The following GARIN2 variants were observed in gnomAD, a reference collection of about 807,000 sequenced individuals.
The protein encoded by GARIN2 is golgi associated RAB2 interactor family member 2, also known as Golgi-associated RAB2 interactor protein 2.
chr14:67,218,713 C>T, the GARIN2 span, among the ~76,000 whole-genome samples: 1 of 151,886 alleles, frequency 6.6e-6, no homozygotes, highest in Admixed American at 6.6e-5. Context: ...TTCTTTGTGC[C>T]CTAAGCACAG....
chr14:67,217,255 G>A, the GARIN2 span, among the ~76,000 whole-genome samples: 19 of 151,416 alleles, frequency 1.3e-4, no homozygotes, highest in African/African-American at 2.7e-4. Context: ...CATTTGCATC[G>A]AATATCTTGT....
the GARIN2 span, among the ~76,000 whole-genome samples, chr14:67,212,648 TATATATA>T: frequency 6.8e-6 from 1 of 146,270 alleles, no homozygotes; most frequent in Admixed American, 6.9e-5. Flanking sequence ...ATATTACATA[TATATATA>T]ATATATATTT....
the GARIN2 span, among the ~76,000 whole-genome samples, chr14:67,201,206 A>C: frequency 2.0e-5 from 3 of 152,178 alleles, no homozygotes; most frequent in African/African-American, 7.2e-5. Context: ...AGGAGGGAGG[A>C]TTGCTTAAGC....
chr14:67,200,226 C>G, the GARIN2 span: 15 of 1,012,150 alleles, frequency 1.5e-5, no homozygotes, highest in Non-Finnish European at 2.0e-5. Context: ...TGGCCCTCCA[C>G]AACCCACACC....
chr14:67,223,840 A>T, the GARIN2 span: 1 of 985,570 alleles, frequency 1.0e-6, no homozygotes, highest in Non-Finnish European at 1.2e-6. Context: ...CCTTCCATAC[A>T]CTTTTACTCT....
the GARIN2 span, among the ~76,000 whole-genome samples, chr14:67,210,428 A>G: frequency 3.5e-4 from 54 of 152,230 alleles, 1 homozygote; most frequent in East Asian, 0.01. Context: ...TCTATTTAAA[A>G]AAAAGAAGAA....
chr14:67,217,357 C>A, the GARIN2 span, among the ~76,000 whole-genome samples: 1 of 152,006 alleles, frequency 6.6e-6, no homozygotes, highest in Non-Finnish European at 1.5e-5. Context: ...TTAAAAAATC[C>A]ATTCAGCCAG....
the GARIN2 span, chr14:67,223,677 T>G: frequency 1.1e-6 from 1 of 934,326 alleles, no homozygotes; most frequent in East Asian, 1.2e-4. Context: ...TTATTTTCCC[T>G]GTTTGTTTTC....
At chr14:67,206,823 C>T in the GARIN2 span, among the ~76,000 whole-genome samples, 1 of 149,628 alleles carries the variant, frequency 6.7e-6, no homozygotes, top group Non-Finnish European at 1.5e-5. Flanking sequence ...CTCCACCTCT[C>T]AGGTTCAAGC....
the GARIN2 span, among the ~76,000 whole-genome samples, chr14:67,194,540 C>G: frequency 6.6e-6 from 1 of 152,038 alleles, no homozygotes; most frequent in Non-Finnish European, 1.5e-5. Context: ...GAGTTTTGCT[C>G]TGTCACACAG....
chr14:67,203,942 C>T, the GARIN2 span, among the ~76,000 whole-genome samples: 1 of 152,182 alleles, frequency 6.6e-6, no homozygotes, highest in South Asian at 2.1e-4. Context: ...GAACTCCTGA[C>T]CTCAGGTGAT....
chr14:67,204,803 C>T, the GARIN2 span: 35 of 1,613,850 alleles, frequency 2.2e-5, no homozygotes, highest in Non-Finnish European at 2.8e-5. Context: ...ACGGATGTCA[C>T]CACGTTCACA....
At chr14:67,191,597 C>T in the GARIN2 span, among the ~76,000 whole-genome samples, 1 of 152,128 alleles carries the variant, frequency 6.6e-6, no homozygotes, top group African/African-American at 2.4e-5. Flanking sequence ...ATAAAGGCAC[C>T]CCACCCCTAC....
chr14:67,193,840 G>C, the GARIN2 span, among the ~76,000 whole-genome samples: 1 of 148,898 alleles, frequency 6.7e-6, no homozygotes, highest in Non-Finnish European at 1.5e-5. Flanking sequence ...AACTATTCAG[G>C]AGGCTGAGGT....
At chr14:67,220,717 A>C in the GARIN2 span, among the ~76,000 whole-genome samples, 3 of 151,994 alleles carry the variant, frequency 2.0e-5, no homozygotes, top group Non-Finnish European at 2.9e-5. Flanking sequence ...ATTTGCATCT[A>C]TTTTTCAAGG....
the GARIN2 span, among the ~76,000 whole-genome samples, chr14:67,210,815 C>G: frequency 6.6e-6 from 1 of 151,934 alleles, no homozygotes; most frequent in Non-Finnish European, 1.5e-5. Context: ...GAGTTCGAGA[C>G]CAGCCTGGGC....
At chr14:67,221,512 T>C in the GARIN2 span, among the ~76,000 whole-genome samples, 2 of 152,226 alleles carry the variant, frequency 1.3e-5, no homozygotes, top group Non-Finnish European at 2.9e-5. Flanking sequence ...TGACTGGCAA[T>C]AGATATAATA....
chr14:67,211,436 G>C, the GARIN2 span, among the ~76,000 whole-genome samples: 1 of 151,994 alleles, frequency 6.6e-6, no homozygotes, highest in Non-Finnish European at 1.5e-5. Flanking sequence ...AGGAGAACTG[G>C]GGAAAAGAGC....
At chr14:67,214,099 C>G in the GARIN2 span, among the ~76,000 whole-genome samples, 1 of 152,156 alleles carries the variant, frequency 6.6e-6, no homozygotes. Flanking sequence ...CGAAAATGTC[C>G]TCCCATTTTA....
Sources: allele counts gnomAD v4.1 joint callset (sites outside exome capture counted in the v4.1 genomes callset), GRCh38; gene constraint gnomAD v4.1.1; transcripts MANE v1.5; gene names NCBI Gene and HGNC (gene_info 2026-07-23, HGNC 2026-07-21).